SRRM3: variants seen among roughly 807,000 people sequenced by gnomAD.
The protein encoded by SRRM3 is serine/arginine repetitive matrix protein 3.
In SRRM3, 27 loss-of-function variants were observed where a neutral mutation model predicts 66.2. The ratio of observed to expected loss-of-function variants is 0.41; its 90% CI spans 0.30 to 0.56. The LOEUF (loss-of-function observed/expected upper bound fraction) is 0.56. Ranked by LOEUF, SRRM3 falls within the 20% of genes least tolerant of loss-of-function variation. The pLI is 0.32. For missense variants in SRRM3, 918 were observed against 991.9 expected, an observed-to-expected ratio of 0.93 and a Z score of 1.00; for synonymous variants, 391 against 414.9, an observed-to-expected ratio of 0.94 and a Z score of 0.70.
At chr7:76,254,202 T>G (rs1292502374) in intron 3 of SRRM3, among the ~76,000 whole-genome samples, 2 of 151,202 alleles carry the variant, frequency 1.3e-5, no homozygotes, top group Non-Finnish European at 2.9e-5. Flanking sequence ...TTTTTTTTTG[T>G]ACAGACGGGG....
chr7:76,260,484 A>G (rs1314385040), intron 5 of SRRM3, among the ~76,000 whole-genome samples: 3 of 31,752 alleles, frequency 9.4e-5, no homozygotes, highest in African/African-American at 3.3e-4. Flanking sequence ...CCCGCCCCTC[A>G]CCGAGCCCCT....
chr7:76,203,419 CA>C (rs1439451403), intron 1 of SRRM3, among the ~76,000 whole-genome samples: 1 of 152,162 alleles, frequency 6.6e-6, no homozygotes, highest in Non-Finnish European at 1.5e-5. Context: ...GTAGTGTTAG[CA>C]ATGTCTACTT....
At chr7:76,219,294 A>C (rs1035021582) in intron 1 of SRRM3, among the ~76,000 whole-genome samples, 3 of 152,116 alleles carry the variant, frequency 2.0e-5, no homozygotes, top group Non-Finnish European at 4.4e-5. Context: ...AAGGCTCTGT[A>C]TGACCTGTCC....
At chr7:76,231,745 G>A (rs1037912996) in intron 1 of SRRM3, among the ~76,000 whole-genome samples, 5 of 152,226 alleles carry the variant, frequency 3.3e-5, no homozygotes, top group Non-Finnish European at 5.9e-5. Flanking sequence ...TTTAAAAAGT[G>A]TGGACAAAAG....
intron 1 of SRRM3, among the ~76,000 whole-genome samples, chr7:76,208,181 T>C (rs1289885060): frequency 1.3e-5 from 2 of 152,044 alleles, no homozygotes; most frequent in African/African-American, 4.8e-5. Flanking sequence ...CGGGGTGGGC[T>C]TAGGGGGCGG....
At chr7:76,207,172 C>A (rs916604330) in intron 1 of SRRM3, among the ~76,000 whole-genome samples, 1 of 152,104 alleles carries the variant, frequency 6.6e-6, no homozygotes, top group South Asian at 2.1e-4. Context: ...TGTGGTGGCA[C>A]GTGCCTGTAG....
chr7:76,260,081 C>A, intron 4 of SRRM3, 36 bp from the exon 5 acceptor site: 1 of 1,421,196 alleles, frequency 7.0e-7, no homozygotes, highest in Non-Finnish European at 9.1e-7. Context: ...GGGCTGCCCC[C>A]CCTCACCGCC....
chr7:76,283,116 G>C lies in SRRM3; in HGVS notation c.1733+15G>C, dbSNP rs1237593784. 7.1e-7 allele frequency: 1 copy of C among 1,414,112 alleles called. No individual in the cohort carries two copies. The highest frequency in any genetic ancestry group is 9.2e-7 in the Non-Finnish European group (1 of 1,087,830). The allele number at this position is 1,414,112 out of a possible 1,614,324, so 87.6% of individuals were successfully genotyped here. A position where few individuals can be genotyped will look rare whatever the true frequency, so the allele number is the denominator to read the frequency against. On this transcript the variant is annotated intron_variant, in intron 14 of 14. Coordinates refer to ENST00000611745, the MANE Select transcript of SRRM3 (RefSeq NM_001110199.3). ...CGCATCACCAGGTATGGAGGGTCTT[G>C]GGGGGGCCGGTGGCGCAGGGCTGGG...
At chr7:76,236,790 G>A (rs942133820) in intron 2 of SRRM3, among the ~76,000 whole-genome samples, 8 of 152,316 alleles carry the variant, frequency 5.3e-5, no homozygotes, top group Middle Eastern at 6.8e-3. Context: ...GGGATGGATG[G>A]ATGGATGGCA....
At chr7:76,274,161 G>A (rs1802281176) in intron 11 of SRRM3, among the ~76,000 whole-genome samples, 1 of 152,254 alleles carries the variant, frequency 6.6e-6, no homozygotes, top group Non-Finnish European at 1.5e-5. Context: ...CCAGTGCGGG[G>A]CCTCCTGGCC....
chr7:76,266,770 T>G (rs1802069463), intron 10 of SRRM3, among the ~76,000 whole-genome samples: 1 of 149,046 alleles, frequency 6.7e-6, no homozygotes, highest in African/African-American at 2.5e-5. Context: ...CCTCCGGGAT[T>G]CAAGCAATTC....
chr7:76,281,658 G>A lies in SRRM3; in HGVS notation c.1226G>A (p.Arg409Gln). ...TCCGCGCCCCGCCGCAGGGGTCGCC[G>A]GCGCCCCCGGCCCGCGCCCCCCCGG... ...SASAPRRRGR[R>Q]RPRPAPPRGS... Residue 409 changes from arginine to glutamine, a missense_variant, in exon 12 of 15, where the codon CGG becomes CAG. Transcript: ENST00000611745. 1 of 978,214 alleles carries A rather than the reference G, an allele frequency of 1.0e-6. No homozygotes were observed. The highest frequency in any genetic ancestry group is 4.6e-5 in the South Asian group (1 of 21,818). The allele number at this position is 978,214 out of a possible 1,614,324, so 60.6% of individuals were successfully genotyped here. A position where few individuals can be genotyped will look rare whatever the true frequency, so the allele number is the denominator to read the frequency against.
intron 1 of SRRM3, among the ~76,000 whole-genome samples, chr7:76,222,126 C>A (rs1447522698): frequency 1.3e-5 from 2 of 152,102 alleles, no homozygotes; most frequent in Admixed American, 6.6e-5. Flanking sequence ...CATCAGGTTG[C>A]AAGAGAGAGT....
intron 3 of SRRM3, among the ~76,000 whole-genome samples, chr7:76,249,229 C>A (rs1018582687): frequency 6.6e-6 from 1 of 151,802 alleles, no homozygotes; most frequent in Non-Finnish European, 1.5e-5. Flanking sequence ...CTACAAAATA[C>A]ACAAAAATTA....
chr7:76,285,779 G>C lies in SRRM3; in HGVS notation c.1898G>C (p.Ser633Thr). ...CATGGGACCCGCAGCCGGACACGCAGCCCCTCGAGGACCCCCAGTCCCAGC... is the reference window on the plus strand; with the variant it reads ...CATGGGACCCGCAGCCGGACACGCACCCCCTCGAGGACCCCCAGTCCCAGC... ...RSHGTRSRTR[S>T]PSRTPSPSYH... Residue 633 changes from serine to threonine, a missense_variant, in exon 15 of 15, where the codon AGC (serine) becomes ACC (threonine). Transcript: ENST00000611745. The surrounding 1 kb of genome is among the most constrained non-coding windows in gnomAD (Gnocchi z 4.1). 1 of 1,550,812 alleles carries C rather than the reference G, an allele frequency of 6.4e-7. No homozygotes were observed. The highest frequency in any genetic ancestry group is 8.7e-7 in the Non-Finnish European group (1 of 1,147,136).
At chr7:76,204,615 G>A (rs527490248) in intron 1 of SRRM3, among the ~76,000 whole-genome samples, 1 of 151,858 alleles carries the variant, frequency 6.6e-6, no homozygotes, top group Admixed American at 6.5e-5. Context: ...CTGTAGGCCA[G>A]TGAGTGTTGG....
chr7:76,287,175 G>A lies in SRRM3; in HGVS notation c.*1332G>A, dbSNP rs896974804. The A allele has an allele frequency of 2.0e-5, 3 of 152,812 alleles. No individual in the cohort carries two copies. The highest frequency in any genetic ancestry group is 2.4e-5 in the African/African-American group (1 of 41,462). 9.5% of individuals were successfully genotyped at this position (152,812 alleles called of 1,614,324 possible). On this transcript the variant is annotated 3_prime_UTR_variant, in exon 15 of 15. Transcript: ENST00000611745. ...CAGGCAGATGCCCCGGGCTCCAGTG[G>A]GGGGAGGGGTCTGGGGTCTGGTCCG...
At chr7:76,248,371 T>A in intron 3 of SRRM3, 82 bp downstream of exon 3, 1 of 1,018,958 alleles carries the variant, frequency 9.8e-7, no homozygotes, top group Non-Finnish European at 1.5e-6. Context: ...CCTGTCCAGG[T>A]GGCTTGGTCT....
Position 76,286,050 on chromosome 7 carries a change from G to T in SRRM3, c.*207G>T, listed in dbSNP as rs1464139210. ...AGAAGCCAGATGTGCTGCTTCTACG[G>T]GTGTCCTCTCCCACCTCCTGTCCAC... On this transcript the variant is annotated 3_prime_UTR_variant, in exon 15 of 15. Coordinates refer to ENST00000611745, the MANE Select transcript of SRRM3 (RefSeq NM_001110199.3). The T allele has an allele frequency of 3.3e-6, 2 of 610,874 alleles. No homozygotes were observed. The highest frequency in any genetic ancestry group is 5.9e-6 in the Non-Finnish European group (2 of 339,062). 37.8% of individuals were successfully genotyped at this position (610,874 alleles called of 1,614,324 possible). A position where few individuals can be genotyped will look rare whatever the true frequency, so the allele number is the denominator to read the frequency against.
Sources: allele counts gnomAD v4.1 joint callset (sites outside exome capture counted in the v4.1 genomes callset), GRCh38; gene constraint gnomAD v4.1.1; non-coding constraint Gnocchi (gnomAD v3.1); transcripts MANE v1.5; gene names NCBI Gene and HGNC (gene_info 2026-07-23, HGNC 2026-07-21).